Variants in SIL1 observed in about 807,000 individuals in gnomAD.
The protein encoded by SIL1 is SIL1 nucleotide exchange factor.
In SIL1, 40 loss-of-function variants were observed where a neutral mutation model predicts 49.1. The ratio of observed to expected loss-of-function variants is 0.81; its 90% CI spans 0.63 to 1.06. The LOEUF (loss-of-function observed/expected upper bound fraction) is 1.06, where lower values mean the gene tolerates loss of function less well. Among genes scored for constraint, SIL1 ranks in the 50% least tolerant of loss-of-function variants. The probability of loss-of-function intolerance (pLI) is 0.00; values close to 1 mark genes in which losing one functional copy is unlikely to be tolerated. For missense variants in SIL1, 500 were observed against 572.6 expected, an observed-to-expected ratio of 0.87 and a Z score of 1.29; for synonymous variants, 253 against 250.8, an observed-to-expected ratio of 1.01 and a Z score of -0.08.
chr5:139,057,954 T>A (rs1769493466), intron 3 of SIL1, among the ~76,000 whole-genome samples: 1 of 152,190 alleles, frequency 6.6e-6, no homozygotes, highest in African/African-American at 2.4e-5. Flanking sequence ...GGAACTCTCA[T>A]GACCTCATCA....
At chr5:139,090,408 C>T (rs886344292) in intron 3 of SIL1, among the ~76,000 whole-genome samples, 2 of 152,140 alleles carry the variant, frequency 1.3e-5, no homozygotes, top group African/African-American at 4.8e-5. Context: ...GATACACATA[C>T]ACACAAACAG....
intron 1 of SIL1, among the ~76,000 whole-genome samples, chr5:139,137,907 G>A (rs919419029): frequency 1.3e-5 from 2 of 149,874 alleles, no homozygotes; most frequent in East Asian, 2.0e-4. Context: ...ACACACACGC[G>A]CACACACACA....
chr5:139,014,908 A>C (rs1768365533), intron 7 of SIL1, among the ~76,000 whole-genome samples: 1 of 152,172 alleles, frequency 6.6e-6, no homozygotes, highest in Non-Finnish European at 1.5e-5. Flanking sequence ...AAACACTGGC[A>C]TCTCCAGTGT....
intron 7 of SIL1, among the ~76,000 whole-genome samples, chr5:138,979,521 C>T (rs1044276652): frequency 2.0e-5 from 3 of 151,136 alleles, no homozygotes; most frequent in Non-Finnish European, 3.0e-5. Flanking sequence ...AATTTTTTTT[C>T]GAGACAGGGT....
At chr5:139,196,484 A>T (rs1752276158) in intron 1 of SIL1, 1 of 152,202 alleles carries the variant, frequency 6.6e-6, no homozygotes, top group South Asian at 2.1e-4. Flanking sequence ...CCAATGAAAC[A>T]CACCAGGGCT....
intron 1 of SIL1, among the ~76,000 whole-genome samples, chr5:139,178,150 G>A (rs188462938): frequency 4.8e-4 from 73 of 152,312 alleles, no homozygotes; most frequent in African/African-American, 1.7e-3. Context: ...TCTGCTGAGT[G>A]GCCAGGTGCC....
chr5:138,953,355 G>T (rs1766827541), intron 7 of SIL1: 1 of 152,382 alleles, frequency 6.6e-6, no homozygotes, highest in Admixed American at 6.5e-5. Flanking sequence ...ACACACAGCA[G>T]GCGTGCCCCC....
chr5:139,176,430 T>G (rs1404252288), intron 1 of SIL1, among the ~76,000 whole-genome samples: 1 of 152,222 alleles, frequency 6.6e-6, no homozygotes, highest in Non-Finnish European at 1.5e-5. Flanking sequence ...CCAAAGCTGC[T>G]TCCACATTTT....
intron 7 of SIL1, chr5:139,013,582 G>C (rs1768332158): frequency 8.0e-6 from 1 of 124,716 alleles, no homozygotes; most frequent in Non-Finnish European, 1.7e-5. Flanking sequence ...TTCTTACAGG[G>C]CTACCACATA....
chr5:139,002,023 C>A (rs551006435), intron 7 of SIL1, among the ~76,000 whole-genome samples: 111 of 152,000 alleles, frequency 7.3e-4, no homozygotes, highest in Non-Finnish European at 1.2e-3. Flanking sequence ...CCAGCCTGGG[C>A]AACATGGTGA....
At chr5:139,015,443 T>C (rs192920656) in intron 7 of SIL1, among the ~76,000 whole-genome samples, 18 of 152,322 alleles carry the variant, frequency 1.2e-4, no homozygotes, top group African/African-American at 3.1e-4. Context: ...ATGATTAACA[T>C]TGATCTTAAA....
At chr5:139,055,846 T>C (rs1460061164) in intron 3 of SIL1, among the ~76,000 whole-genome samples, 3 of 151,772 alleles carry the variant, frequency 2.0e-5, no homozygotes, top group East Asian at 2.0e-4. Flanking sequence ...GGTTTTCGTA[T>C]TTTTTTGGTG....
chr5:139,035,627 A>T, intron 5 of SIL1: 1 of 282,644 alleles, frequency 3.5e-6, no homozygotes, highest in Non-Finnish European at 6.8e-6. Flanking sequence ...CCCTCCGTGC[A>T]TCTCAGGTAT....
intron 3 of SIL1, among the ~76,000 whole-genome samples, chr5:139,062,410 G>C (rs1769611207): frequency 6.6e-6 from 1 of 152,116 alleles, no homozygotes; most frequent in Non-Finnish European, 1.5e-5. Context: ...GGTCTTAGAA[G>C]AGTTACCCAG....
intron 3 of SIL1, among the ~76,000 whole-genome samples, chr5:139,065,371 C>G (rs570115281): frequency 6.6e-6 from 1 of 152,156 alleles, no homozygotes; most frequent in Non-Finnish European, 1.5e-5. Context: ...AAAACTGAAG[C>G]AAATGTGGGG....
chr5:139,197,252 G>A (rs1028472327), intron 1 of SIL1, among the ~76,000 whole-genome samples: 10 of 103,140 alleles, frequency 9.7e-5, no homozygotes, highest in African/African-American at 3.9e-4. Flanking sequence ...TGAGAAACAA[G>A]AGCGAAACTC....
intron 1 of SIL1, among the ~76,000 whole-genome samples, chr5:139,143,312 C>T (rs1363507013): frequency 0.011 from 625 of 56,620 alleles, 6 homozygotes; most frequent in African/African-American, 0.028. Context: ...TATATACACA[C>T]ACACACACAC....
At chr5:139,142,283 A>T (rs1230086162) in intron 1 of SIL1, among the ~76,000 whole-genome samples, 1 of 152,220 alleles carries the variant, frequency 6.6e-6, no homozygotes, top group Non-Finnish European at 1.5e-5. Flanking sequence ...ACACTTCCTA[A>T]TTCATTCTAT....
At chr5:138,953,741 G>A (rs986340265) in intron 7 of SIL1, among the ~76,000 whole-genome samples, 16 of 152,246 alleles carry the variant, frequency 1.1e-4, no homozygotes, top group African/African-American at 3.6e-4. Flanking sequence ...GCTAATTAGG[G>A]CTGTCTCTGC....
Sources: allele counts gnomAD v4.1 joint callset (sites outside exome capture counted in the v4.1 genomes callset), GRCh38; gene constraint gnomAD v4.1.1; transcripts MANE v1.5; gene names NCBI Gene and HGNC (gene_info 2026-07-23, HGNC 2026-07-21).